The following PLEKHG7 variants were observed in gnomAD, a reference collection of about 807,000 sequenced individuals.
The protein encoded by PLEKHG7 is pleckstrin homology and RhoGEF domain containing G7, also known as pleckstrin homology domain-containing family G member 7.
A neutral mutation model predicts 85.2 loss-of-function variants in PLEKHG7; 77 were observed. The observed-to-expected ratio is 0.90, with a 90% confidence interval of 0.75 to 1.09. PLEKHG7 has a LOEUF of 1.09. Among genes scored for constraint, PLEKHG7 ranks in the 50% least tolerant of loss-of-function variants. PLEKHG7 has a pLI of 0.00. For synonymous variants in PLEKHG7, 301 were observed against 302.4 expected (o/e 1.00, Z 0.05); for missense variants, 777 against 804.3 (o/e 0.97, Z 0.41).
chr12:92,737,739 G>GGGAGGGAGGGAA (rs1555195302), intron 7 of PLEKHG7, among the ~76,000 whole-genome samples: 7 of 126,544 alleles, frequency 5.5e-5, no homozygotes, highest in African/African-American at 1.2e-4. Context: ...GAGGGAGGAA[G>GGGAGGGAGGGAA]GGAGGGAGGG....
chr12:92,714,842 C>G (rs559068878), intron 3 of PLEKHG7, among the ~76,000 whole-genome samples: 7 of 152,268 alleles, frequency 4.6e-5, no homozygotes, highest in African/African-American at 1.4e-4. Flanking sequence ...TCAGTGTTCT[C>G]CATACTATTA....
chr12:92,742,525 T>A (rs1592681987), intron 9 of PLEKHG7, among the ~76,000 whole-genome samples: 1 of 151,958 alleles, frequency 6.6e-6, no homozygotes, highest in East Asian at 1.9e-4. Flanking sequence ...AGCTGCAAGA[T>A]CCTTTAGTGA....
chr12:92,717,476 C>T (rs182926441), intron 3 of PLEKHG7, among the ~76,000 whole-genome samples: 3 of 152,318 alleles, frequency 2.0e-5, no homozygotes, highest in Non-Finnish European at 4.4e-5. Context: ...TTTCCTTAAC[C>T]ACTTGAAACT....
chr12:92,730,131 T>C (rs1195444726), intron 4 of PLEKHG7, among the ~76,000 whole-genome samples: 1 of 152,176 alleles, frequency 6.6e-6, no homozygotes, highest in Non-Finnish European at 1.5e-5. Flanking sequence ...GGACCACCAG[T>C]GAATACATCA....
intron 3 of PLEKHG7, among the ~76,000 whole-genome samples, chr12:92,715,520 C>T (rs1312192590): frequency 1.3e-5 from 2 of 151,962 alleles, no homozygotes. Context: ...GAGACAGATC[C>T]CCCATTTGTC....
intron 3 of PLEKHG7, among the ~76,000 whole-genome samples, chr12:92,709,170 C>T (rs192709386): frequency 4.6e-5 from 7 of 152,142 alleles, no homozygotes; most frequent in Non-Finnish European, 7.4e-5. Flanking sequence ...TCAAATAATT[C>T]GAATGTTCAG....
At chr12:92,712,740 T>A (rs932099451) in intron 3 of PLEKHG7, among the ~76,000 whole-genome samples, 2 of 152,134 alleles carry the variant, frequency 1.3e-5, no homozygotes, top group African/African-American at 2.4e-5. Flanking sequence ...AGGAAGCCAA[T>A]GTGGGGGTTC....
chr12:92,767,490 C>T (rs1410782639), intron 15 of PLEKHG7, among the ~76,000 whole-genome samples: 2 of 142,168 alleles, frequency 1.4e-5, no homozygotes, highest in African/African-American at 5.2e-5. Flanking sequence ...GAGTAAAACA[C>T]AGCCAGCTTT....
chr12:92,765,577 C>T (rs1183113563), intron 15 of PLEKHG7, among the ~76,000 whole-genome samples: 1 of 149,362 alleles, frequency 6.7e-6, no homozygotes, highest in Non-Finnish European at 1.5e-5. Flanking sequence ...TGTGGTGAGC[C>T]GAGACTGAGC....
At chr12:92,761,624 AAGAAAGAAAGAAAGAAAG>A (rs1873006838) in intron 13 of PLEKHG7, 110 bp from the exon 14 acceptor site, 2 of 53,904 alleles carry the variant, frequency 3.7e-5, no homozygotes, top group Non-Finnish European at 5.2e-5. Context: ...AGAAAGAAAG[AAGAAAGAAAGAAAGAAAG>A]AAAGAAAGAA....
chr12:92,756,310 A>G lies in PLEKHG7; in HGVS notation c.1555A>G (p.Ile519Val), dbSNP rs1565796136. The change falls in exon 13 of 17, where the codon ATT (isoleucine) becomes GTT (valine). Residue 519 changes from isoleucine (I) to valine (V), a missense_variant. Ile to Val is a conservative substitution (Grantham distance 29). Coordinates refer to ENST00000344636, the MANE Select transcript of PLEKHG7 (RefSeq NM_001377329.1). ...CTTGTTTTACAAGTGTTTGAAACAC[A>G]TTTTTAAAGAACACATGGCAGAAAA... The part of the protein sequence containing the change: ...RFFIPECLKH[I>V]FKEHMAENIL... 1.2e-6 allele frequency: 2 copies of G among 1,609,566 alleles called. No homozygotes were observed. The highest frequency in any genetic ancestry group is 1.1e-5 in the South Asian group (1 of 90,920).
chr12:92,711,569 T>C (rs1028167062), intron 3 of PLEKHG7, among the ~76,000 whole-genome samples: 11 of 152,292 alleles, frequency 7.2e-5, no homozygotes, highest in Middle Eastern at 3.4e-3. Flanking sequence ...TGATGACCCA[T>C]AGTCAAATGT....
In PLEKHG7 at chr12:92,734,682, T is replaced by C. The variant is rs1872088307; in HGVS notation, c.700-1800T>C. 2.0e-5 allele frequency among the ~76,000 whole-genome samples: 3 copies of C among 152,132 alleles called. No individual in the cohort carries two copies. In the South Asian group the frequency reaches 6.2e-4, roughly 32 times the overall value. The stretch of plus-strand genomic sequence containing the variant: ...GACCTGGAAACTCCTCCCTCCATTC[T>C]CTCATTAGAGCTCTCCATAGATCTT... On this transcript the variant is annotated intron_variant, in intron 5 of 16. Transcript: ENST00000344636.
chr12:92,733,279 T>C (rs991741763), intron 5 of PLEKHG7, among the ~76,000 whole-genome samples: 1 of 152,176 alleles, frequency 6.6e-6, no homozygotes, highest in African/African-American at 2.4e-5. Context: ...TGCCGTATAA[T>C]GCAAGTGGAG....
At position 92,706,628 on chromosome 12, in the gene PLEKHG7, C is replaced by T; in HGVS notation, c.-4C>T. The T allele has an allele frequency of 6.2e-7, 1 of 1,602,142 alleles. No individual in the cohort carries two copies. The highest frequency in any genetic ancestry group is 8.5e-7 in the Non-Finnish European group (1 of 1,174,700). On this transcript the variant is annotated 5_prime_UTR_variant, in exon 2 of 17. Transcript: ENST00000344636. ...TTCTACCAACAGTAGAACCTCTTAG[C>T]TTTATGGAGAAAACAGAGTCATTCT...
At position 92,761,619 on chromosome 12, in the gene PLEKHG7, GAAAGAAGAAAGAAAGAAAGA is replaced by G. The variant is rs1236897169; in HGVS notation, c.1637-130_1637-111del. The G allele has an allele frequency of 2.8e-5, 28 of 993,484 alleles. No individual in the cohort carries two copies. In the Admixed American group the frequency reaches 3.0e-4, roughly 11 times the overall value. The allele number at this position is 993,484 out of a possible 1,614,324, so 61.5% of individuals were successfully genotyped here. Reference sequence around the variant, plus strand: ...AAAGAAAGAAAGAAAAAGAAAGAAAGAAAGAAGAAAGAAAGAAAGAAAGAAAGAAAGAAAGAAAGAAAGAA... The same window carrying G: ...AAAGAAAGAAAGAAAAAGAAAGAAAGAAGAAAGAAAGAAAGAAAGAAAGAA... On this transcript the variant is annotated intron_variant, in intron 13 of 16. Transcript: ENST00000344636.
chr12:92,741,093 T>C, intron 8 of PLEKHG7, 145 bp downstream of exon 8: 1 of 560,866 alleles, frequency 1.8e-6, no homozygotes, highest in Non-Finnish European at 3.0e-6. Flanking sequence ...AGAAAGAAGT[T>C]GAAATATCCA....
chr12:92,706,462 T>A lies in PLEKHG7; in HGVS notation c.-161-9T>A. On this transcript the variant is annotated splice_polypyrimidine_tract_variant and intron_variant, in intron 1 of 16. Transcript: ENST00000344636. Reference sequence around the variant, plus strand: ...TACATATTTCACAGTCTGCTCTTCCTCACTACAGATGCAATAACCTGCTTG... The same window carrying A: ...TACATATTTCACAGTCTGCTCTTCCACACTACAGATGCAATAACCTGCTTG... 2 of 741,486 alleles carry A rather than the reference T, an allele frequency of 2.7e-6. No homozygotes were observed. The highest frequency in any genetic ancestry group is 2.1e-6 in the Non-Finnish European group (1 of 483,156). 45.9% of individuals were successfully genotyped at this position (741,486 alleles called of 1,614,324 possible).
At chr12:92,709,525 G>A (rs776674972) in intron 3 of PLEKHG7, among the ~76,000 whole-genome samples, 2 of 152,194 alleles carry the variant, frequency 1.3e-5, no homozygotes, top group Non-Finnish European at 2.9e-5. Flanking sequence ...GGCACCAGGG[G>A]TGGATGTACT....
Sources: allele counts gnomAD v4.1 joint callset (sites outside exome capture counted in the v4.1 genomes callset), GRCh38; gene constraint gnomAD v4.1.1; transcripts MANE v1.5; gene names NCBI Gene and HGNC (gene_info 2026-07-23, HGNC 2026-07-21).